Variants in TENM1 observed in about 807,000 individuals in gnomAD.
TENM1 encodes the protein teneurin transmembrane protein 1, also known as teneurin-1.
A neutral mutation model predicts 174.8 loss-of-function variants in TENM1; 35 were observed. That is an observed-to-expected ratio of 0.20 (90% CI 0.15 to 0.27). The LOEUF (loss-of-function observed/expected upper bound fraction) is 0.27. TENM1 is among the 10% of genes least tolerant of loss of function. TENM1 has a pLI of 1.00. For missense variants in TENM1, 1,633 were observed against 2,130.1 expected, an observed-to-expected ratio of 0.77 and a Z score of 4.59; for synonymous variants, 781 against 798.7, an observed-to-expected ratio of 0.98 and a Z score of 0.37.
At chrX:125,150,618 CT>C in the TENM1 span, among the ~76,000 whole-genome samples, 1 of 112,277 alleles carries the variant, frequency 8.9e-6, no homozygotes, top group African/African-American at 3.2e-5. Context: ...AAATTACAGT[CT>C]TCTGTTTTGT....
the TENM1 span, among the ~76,000 whole-genome samples, chrX:125,009,074 A>G: frequency 7.5e-5 from 8 of 106,734 alleles, no homozygotes; most frequent in African/African-American, 2.8e-4. Context: ...AAACCCTTCA[A>G]AAAATCAATA....
At chrX:124,733,729 G>A (rs747163074) in intron 4 of TENM1, among the ~76,000 whole-genome samples, 36 of 112,539 alleles carry the variant, frequency 3.2e-4, no homozygotes, top group African/African-American at 1.2e-3. Context: ...AAGGTACTCT[G>A]TTCACTCTTA....
intron 11 of TENM1, among the ~76,000 whole-genome samples, chrX:124,572,314 C>A (rs940076311): frequency 7.2e-5 from 8 of 111,665 alleles, no homozygotes; most frequent in Admixed American, 5.7e-4. Context: ...TACTTTCACA[C>A]ATTTCATAAT....
chrX:124,475,746 T>C (rs1044542581), intron 22 of TENM1, among the ~76,000 whole-genome samples: 2 of 111,611 alleles, frequency 1.8e-5, no homozygotes, highest in African/African-American at 6.5e-5. Context: ...GCCAATCTTA[T>C]ACAGATGAGT....
At chrX:124,461,016 C>T (rs1159117458) in intron 22 of TENM1, among the ~76,000 whole-genome samples, 2 of 112,052 alleles carry the variant, frequency 1.8e-5, no homozygotes, top group African/African-American at 6.5e-5. Context: ...TTCTTGTATT[C>T]CTATAGATCT....
At position 124,425,693 on chromosome X, in the gene TENM1, A is replaced by T. The variant is rs551826751; in HGVS notation, c.4105-3055T>A. Among the ~76,000 whole-genome samples, 9 of 112,431 alleles carry T rather than the reference A, an allele frequency of 8.0e-5. No homozygotes were observed. The South Asian group carries it at 3.3e-3, about 41-fold the overall frequency. ...ATTCTGTTATAGCAACAAAAAACAG[A>T]CTAAAACATTGGGTAATAGAGGGAA... On this transcript the variant is annotated intron_variant, in intron 23 of 31. Coordinates refer to ENST00000422452, the Ensembl canonical transcript of TENM1.
intron 15 of TENM1, among the ~76,000 whole-genome samples, chrX:124,538,474 T>A (rs961055415): frequency 9.0e-6 from 1 of 111,543 alleles, no homozygotes; most frequent in Admixed American, 9.5e-5. Flanking sequence ...ACAGAAGGTA[T>A]ATTTGAGGAT....
At chrX:125,163,496 A>T in the TENM1 span, among the ~76,000 whole-genome samples, 1 of 111,196 alleles carries the variant, frequency 9.0e-6, no homozygotes, top group Middle Eastern at 4.7e-3. Context: ...CTTCAGGTAA[A>T]GTAAGTTTGA....
At chrX:125,169,249 G>A in the TENM1 span, among the ~76,000 whole-genome samples, 1 of 111,640 alleles carries the variant, frequency 9.0e-6, no homozygotes, top group Non-Finnish European at 1.9e-5. Context: ...TCACGTATTT[G>A]TCAGGAGAGT....
intron 27 of TENM1, 70 bp downstream of exon 30, chrX:124,404,961 A>C: frequency 6.5e-6 from 6 of 919,144 alleles, no homozygotes; most frequent in Non-Finnish European, 9.2e-6. Flanking sequence ...TTAAACAAAC[A>C]AACAAACAAA....
intron 22 of TENM1, among the ~76,000 whole-genome samples, chrX:124,475,449 A>C: frequency 9.0e-6 from 1 of 111,730 alleles, no homozygotes; most frequent in Non-Finnish European, 1.9e-5. Context: ...GCTTCTCAGA[A>C]GAGTGAGCTT....
At chrX:124,683,447 T>A (rs1451144068) in intron 5 of TENM1, among the ~76,000 whole-genome samples, 1 of 112,027 alleles carries the variant, frequency 8.9e-6, no homozygotes, top group African/African-American at 3.2e-5. Flanking sequence ...TCCAACCCGT[T>A]ACTTTTGCAT....
At chrX:124,772,776 CCTTTT>C (rs1156727980) in intron 3 of TENM1, among the ~76,000 whole-genome samples, 2 of 111,018 alleles carry the variant, frequency 1.8e-5, no homozygotes, top group Admixed American at 9.6e-5. Flanking sequence ...AAAAAATGAA[CCTTTT>C]CTTATTTTCA....
intron 6 of TENM1, among the ~76,000 whole-genome samples, chrX:124,667,640 G>A (rs766549507): frequency 1.8e-4 from 20 of 109,527 alleles, no homozygotes; most frequent in Non-Finnish European, 3.4e-4. Context: ...AATGTAGTGA[G>A]GGACTATTTT....
intron 3 of TENM1, among the ~76,000 whole-genome samples, chrX:124,741,601 C>T (rs1245408317): frequency 2.7e-5 from 3 of 111,500 alleles, no homozygotes; most frequent in Non-Finnish European, 3.8e-5. Flanking sequence ...AAGGGATACG[C>T]GAATGCCATA....
intron 15 of TENM1, among the ~76,000 whole-genome samples, chrX:124,539,853 T>C (rs2048282171): frequency 8.9e-6 from 1 of 112,285 alleles, no homozygotes; most frequent in Admixed American, 9.4e-5. Flanking sequence ...TGTGTGTCAA[T>C]TTTAGCAGCT....
At chrX:124,605,061 C>T (rs945376409) in intron 11 of TENM1, among the ~76,000 whole-genome samples, 1 of 106,324 alleles carries the variant, frequency 9.4e-6, no homozygotes, top group East Asian at 2.9e-4. Flanking sequence ...TTCAAAAAAG[C>T]CCCAAGAACA....
At chrX:124,434,876 C>T (rs967660211) in intron 23 of TENM1, among the ~76,000 whole-genome samples, 10 of 112,170 alleles carry the variant, frequency 8.9e-5, no homozygotes, top group Non-Finnish European at 1.7e-4. Context: ...CGCTAAAGAA[C>T]TGAACCCTCT....
chrX:124,656,090 T>C (rs1047396599), intron 6 of TENM1, among the ~76,000 whole-genome samples: 5 of 112,447 alleles, frequency 4.4e-5, no homozygotes, highest in Non-Finnish European at 9.4e-5. Context: ...ATATTATAAA[T>C]ATAAAACAAT....
Sources: allele counts gnomAD v4.1 joint callset (sites outside exome capture counted in the v4.1 genomes callset), GRCh38; gene constraint gnomAD v4.1.1; transcripts MANE v1.5; gene names NCBI Gene and HGNC (gene_info 2026-07-23, HGNC 2026-07-21).